Variants in LRRC53 observed in about 807,000 individuals in gnomAD.
LRRC53 encodes leucine-rich repeat-containing protein 53.
LRRC53 carries 25 observed loss-of-function variants against 13.6 expected under a neutral mutation model. The observed-to-expected ratio is 1.83, with a 90% confidence interval of 1.34 to 2.56. LRRC53 has a LOEUF of 2.56. Among genes scored for constraint, LRRC53 ranks in the 30% most tolerant of loss-of-function variants. The pLI is 0.00. For missense variants in LRRC53, 527 were observed against 275.8 expected (o/e 1.91, Z -6.45); for synonymous variants, 204 against 109.8 (o/e 1.86, Z -5.37).
At chr1:74,479,744 A>G (rs969904236) in intron 3 of LRRC53, among the ~76,000 whole-genome samples, 3 of 152,238 alleles carry the variant, frequency 2.0e-5, no homozygotes, top group African/African-American at 4.8e-5. Flanking sequence ...GAAAGAGTCT[A>G]TGTCCCATCA....
At chr1:74,522,615 T>A in the LRRC53 span, among the ~76,000 whole-genome samples, 1 of 151,890 alleles carries the variant, frequency 6.6e-6, no homozygotes, top group Non-Finnish European at 1.5e-5. Flanking sequence ...TAAGTAGCTG[T>A]TTTTCTGGTC....
intron 1 of LRRC53, among the ~76,000 whole-genome samples, chr1:74,491,121 G>T (rs1669051194): frequency 6.6e-6 from 1 of 152,160 alleles, no homozygotes; most frequent in African/African-American, 2.4e-5. Context: ...AGATTTGAGT[G>T]GTGAATAAGC....
At chr1:74,529,736 T>G in the LRRC53 span, among the ~76,000 whole-genome samples, 1 of 152,340 alleles carries the variant, frequency 6.6e-6, no homozygotes, top group African/African-American at 2.4e-5. Flanking sequence ...GTGGCAACTT[T>G]TCTTTATGTT....
At chr1:74,483,690 C>A (rs780406608) in intron 1 of LRRC53, among the ~76,000 whole-genome samples, 3 of 152,104 alleles carry the variant, frequency 2.0e-5, no homozygotes, top group Non-Finnish European at 4.4e-5. Flanking sequence ...TTACTTAGTT[C>A]TTTTAATTCT....
Position 74,491,885 on chromosome 1 carries a change from C to T in LRRC53, c.-26-8510G>A, listed in dbSNP as rs568509558. Among the ~76,000 whole-genome samples, 3 of 152,268 alleles carry T rather than the reference C, an allele frequency of 2.0e-5. No homozygotes were observed. The South Asian group carries it at 6.2e-4, about 32-fold the overall frequency. Reference sequence around the variant, plus strand: ...GATGAGCATAAATTTAACAGGCCAGCTCTCAGCACAGAACTGGGTCAAAAA... The same window carrying T: ...GATGAGCATAAATTTAACAGGCCAGTTCTCAGCACAGAACTGGGTCAAAAA... On this transcript the variant is annotated intron_variant, in intron 1 of 4. Coordinates refer to ENST00000294635, the MANE Select transcript of LRRC53 (RefSeq NM_001382280.1).
At chr1:74,509,726 G>A (rs945722129) in intron 1 of LRRC53, among the ~76,000 whole-genome samples, 2 of 131,084 alleles carry the variant, frequency 1.5e-5, no homozygotes, top group African/African-American at 5.6e-5. Context: ...ACTGCTTTCT[G>A]GTTTTGAGTG....
the LRRC53 span, among the ~76,000 whole-genome samples, chr1:74,532,696 G>A: frequency 6.7e-6 from 1 of 149,816 alleles, no homozygotes; most frequent in South Asian, 2.1e-4. Context: ...AAAACAGCAT[G>A]GTACTGGTAC....
intron 1 of LRRC53, among the ~76,000 whole-genome samples, chr1:74,506,481 C>T (rs553427586): frequency 6.6e-6 from 1 of 152,318 alleles, no homozygotes; most frequent in East Asian, 1.9e-4. Flanking sequence ...GACAAGAGAG[C>T]TGCTCTCATA....
At chr1:74,531,321 T>C in the LRRC53 span, among the ~76,000 whole-genome samples, 2 of 152,184 alleles carry the variant, frequency 1.3e-5, no homozygotes, top group South Asian at 2.1e-4. Context: ...GATGAAACCA[T>C]GAATAAATAA....
intron 1 of LRRC53, among the ~76,000 whole-genome samples, chr1:74,487,777 T>A (rs2100287102): frequency 1.3e-5 from 2 of 152,280 alleles, no homozygotes; most frequent in East Asian, 3.9e-4. Context: ...AAAAAGCTCT[T>A]GTTTTATTTT....
chr1:74,510,465 G>A (rs1041172159), intron 1 of LRRC53, among the ~76,000 whole-genome samples: 4 of 152,072 alleles, frequency 2.6e-5, no homozygotes, highest in African/African-American at 9.7e-5. Context: ...CCGACATCGC[G>A]CCACTGCACT....
intron 1 of LRRC53, among the ~76,000 whole-genome samples, chr1:74,486,746 A>T (rs541655202): frequency 6.6e-6 from 1 of 152,068 alleles, no homozygotes; most frequent in Non-Finnish European, 1.5e-5. Flanking sequence ...AAAAGCTTAA[A>T]GATAAGGAGG....
intron 1 of LRRC53, among the ~76,000 whole-genome samples, chr1:74,501,624 T>C (rs536435777): frequency 6.3e-4 from 96 of 152,136 alleles, no homozygotes; most frequent in Non-Finnish European, 1.2e-3. Flanking sequence ...GTAGCTGGGA[T>C]TACAGGCACG....
intron 1 of LRRC53, among the ~76,000 whole-genome samples, chr1:74,487,107 C>T (rs535391670): frequency 5.9e-5 from 9 of 152,082 alleles, no homozygotes; most frequent in South Asian, 4.1e-4. Flanking sequence ...TGAAGGAGGA[C>T]GTTAAGGGTT....
chr1:74,493,269 A>C (rs1401112646), intron 1 of LRRC53, among the ~76,000 whole-genome samples: 1 of 152,214 alleles, frequency 6.6e-6, no homozygotes, highest in Non-Finnish European at 1.5e-5. Flanking sequence ...GCTGATGAAA[A>C]GATTTTGGAA....
chr1:74,502,385 T>C (rs1669677732), intron 1 of LRRC53, among the ~76,000 whole-genome samples: 1 of 152,238 alleles, frequency 6.6e-6, no homozygotes, highest in African/African-American at 2.4e-5. Flanking sequence ...GTATGCCTCA[T>C]GGTTTCTATT....
chr1:74,503,805 T>C (rs554590250), intron 1 of LRRC53, among the ~76,000 whole-genome samples: 59 of 152,314 alleles, frequency 3.9e-4, no homozygotes, highest in Middle Eastern at 6.8e-3. Flanking sequence ...TTTTACTAAT[T>C]AACAAAATCA....
At chr1:74,510,179 C>A (rs1323062421) in intron 1 of LRRC53, among the ~76,000 whole-genome samples, 1 of 152,044 alleles carries the variant, frequency 6.6e-6, no homozygotes, top group Non-Finnish European at 1.5e-5. Flanking sequence ...TTCCTGAGAT[C>A]AGTAGTAGAG....
chr1:74,525,340 T>G, the LRRC53 span, among the ~76,000 whole-genome samples: 5 of 152,198 alleles, frequency 3.3e-5, no homozygotes, highest in African/African-American at 1.2e-4. Context: ...AGTATTGTTA[T>G]TGTCCTCATG....
Sources: allele counts gnomAD v4.1 joint callset (sites outside exome capture counted in the v4.1 genomes callset), GRCh38; gene constraint gnomAD v4.1.1; transcripts MANE v1.5; gene names NCBI Gene and HGNC (gene_info 2026-07-23, HGNC 2026-07-21).